The following RGL1 variants were observed in gnomAD, a reference collection of about 807,000 sequenced individuals.
RGL1 encodes ral guanine nucleotide dissociation stimulator like 1.
A neutral mutation model predicts 95.2 loss-of-function variants in RGL1; 24 were observed. That is an observed-to-expected ratio of 0.25 (90% CI 0.18 to 0.35). The LOEUF (loss-of-function observed/expected upper bound fraction) is 0.35. Among genes scored for constraint, RGL1 ranks in the 10% least tolerant of loss-of-function variants. The pLI is 1.00. For missense variants in RGL1, 715 were observed against 936.3 expected (o/e 0.76, Z 3.08); for synonymous variants, 329 against 344.9 (o/e 0.95, Z 0.51).
chr1:183,652,587 G>A (rs997897467), intron 1 of RGL1, among the ~76,000 whole-genome samples: 5 of 150,396 alleles, frequency 3.3e-5, no homozygotes, highest in Admixed American at 3.3e-4. Flanking sequence ...TTTGGTATCT[G>A]TCATTTTATT....
intron 1 of RGL1, among the ~76,000 whole-genome samples, chr1:183,706,821 A>G (rs534162862): frequency 6.6e-6 from 1 of 152,322 alleles, no homozygotes; most frequent in East Asian, 1.9e-4. Flanking sequence ...TGAAGGCTAA[A>G]TTAAGAAGGT....
chr1:183,826,241 G>A (rs1662846700), intron 2 of RGL1, among the ~76,000 whole-genome samples: 1 of 152,024 alleles, frequency 6.6e-6, no homozygotes, highest in Non-Finnish European at 1.5e-5. Context: ...TTTTAGTAGA[G>A]ACGGACTTTC....
At chr1:183,657,838 T>C (rs949975005) in intron 1 of RGL1, among the ~76,000 whole-genome samples, 2 of 151,990 alleles carry the variant, frequency 1.3e-5, no homozygotes, top group South Asian at 4.2e-4. Context: ...ATGGTATTTC[T>C]AGTTCTAGAT....
intron 2 of RGL1, among the ~76,000 whole-genome samples, chr1:183,794,168 TAA>T (rs1660580140): frequency 6.6e-6 from 1 of 151,980 alleles, no homozygotes; most frequent in Non-Finnish European, 1.5e-5. Context: ...GTCAGTATGT[TAA>T]GTGAAATGAG....
At chr1:183,671,714 C>T (rs1437179815) in intron 1 of RGL1, among the ~76,000 whole-genome samples, 4 of 152,034 alleles carry the variant, frequency 2.6e-5, no homozygotes, top group Non-Finnish European at 5.9e-5. Flanking sequence ...CCAATTTCTT[C>T]CAAATGGAGC....
In RGL1 at chr1:183,648,251, C is replaced by A. The variant is rs113062643; in HGVS notation, c.-33+11750C>A. On this transcript the variant is annotated intron_variant, in intron 1 of 18. Coordinates refer to the RGL1 transcript ENST00000304685. ...AAACAACCCGCGGCCATAAGCTGGC[C>A]AGGCTCCGGAGAGCTTCGCGGTTCC... The A allele has an allele frequency of 7.2e-4, 1,167 of 1,614,174 alleles. 11 individuals are homozygous for A. The African/African-American group carries it at 0.014, about 19-fold the overall frequency.
chr1:183,689,571 A>G (rs150392818), intron 1 of RGL1, among the ~76,000 whole-genome samples: 144 of 152,322 alleles, frequency 9.5e-4, no homozygotes, highest in Non-Finnish European at 1.7e-3. Context: ...CATGTAACAC[A>G]TCATCAATAA....
intron 2 of RGL1, among the ~76,000 whole-genome samples, chr1:183,799,048 G>A (rs193025400): frequency 1.1e-4 from 17 of 151,630 alleles, no homozygotes; most frequent in African/African-American, 2.7e-4. Flanking sequence ...AATTACAGGC[G>A]CCCGCCACCA....
chr1:183,877,162 G>A (rs573814115), intron 4 of RGL1, among the ~76,000 whole-genome samples: 5 of 152,230 alleles, frequency 3.3e-5, no homozygotes, highest in South Asian at 4.2e-4. Flanking sequence ...GTCTCCAAGC[G>A]TCCTGTCTTG....
At chr1:183,832,271 T>C (rs1663314579) in intron 2 of RGL1, among the ~76,000 whole-genome samples, 1 of 152,240 alleles carries the variant, frequency 6.6e-6, no homozygotes, top group Non-Finnish European at 1.5e-5. Flanking sequence ...TGTACATTTA[T>C]GACTTGGGTC....
chr1:183,697,734 G>A (rs549467859), intron 1 of RGL1, among the ~76,000 whole-genome samples: 3 of 152,272 alleles, frequency 2.0e-5, no homozygotes, highest in African/African-American at 4.8e-5. Context: ...GTTGCGTGCT[G>A]GTACTTCATC....
chr1:183,719,717 C>A (rs1655876431), intron 1 of RGL1, among the ~76,000 whole-genome samples: 1 of 152,148 alleles, frequency 6.6e-6, no homozygotes, highest in Admixed American at 6.5e-5. Flanking sequence ...ACCAGCCTGG[C>A]CAACATGGGT....
intron 2 of RGL1, among the ~76,000 whole-genome samples, chr1:183,761,125 A>C (rs556230521): frequency 6.6e-6 from 1 of 152,154 alleles, no homozygotes; most frequent in East Asian, 1.9e-4. Context: ...TGATATTTTG[A>C]CCTTCTCTCA....
chr1:183,845,260 C>A (rs1664342382), intron 2 of RGL1, among the ~76,000 whole-genome samples: 1 of 152,182 alleles, frequency 6.6e-6, no homozygotes, highest in African/African-American at 2.4e-5. Flanking sequence ...TAGAAATAGA[C>A]CTCCTCTCTT....
intron 1 of RGL1, among the ~76,000 whole-genome samples, chr1:183,696,312 T>A (rs555787531): frequency 6.6e-6 from 1 of 152,220 alleles, no homozygotes; most frequent in African/African-American, 2.4e-5. Context: ...TATCTCAAAC[T>A]CCCTATCAGT....
At chr1:183,727,580 C>T (rs1656383275) in intron 1 of RGL1, among the ~76,000 whole-genome samples, 1 of 152,100 alleles carries the variant, frequency 6.6e-6, no homozygotes, top group Non-Finnish European at 1.5e-5. Context: ...TTTCAACATT[C>T]TATTGAAGAC....
intron 7 of RGL1, among the ~76,000 whole-genome samples, chr1:183,885,490 G>A (rs1667059523): frequency 6.6e-6 from 1 of 152,178 alleles, no homozygotes; most frequent in Non-Finnish European, 1.5e-5. Context: ...ATCTGAAGTT[G>A]GAGGGGAGGA....
chr1:183,638,607 C>T (rs76960867), intron 1 of RGL1, among the ~76,000 whole-genome samples: 7,344 of 152,130 alleles, frequency 0.048, 276 homozygotes, highest in Non-Finnish European at 0.068. Context: ...TATTTCACTT[C>T]CTTGCAAATT....
chr1:183,817,339 G>C (rs1033081486), intron 2 of RGL1, among the ~76,000 whole-genome samples: 2 of 152,134 alleles, frequency 1.3e-5, no homozygotes, highest in African/African-American at 2.4e-5. Flanking sequence ...TGGCCTCCCT[G>C]TTAGGAGCAC....
Sources: allele counts gnomAD v4.1 joint callset (sites outside exome capture counted in the v4.1 genomes callset), GRCh38; gene constraint gnomAD v4.1.1; transcripts MANE v1.5; gene names NCBI Gene and HGNC (gene_info 2026-07-23, HGNC 2026-07-21).